Variants in SPOCK3 observed in about 807,000 individuals in gnomAD.
The protein encoded by SPOCK3 is SPARC (osteonectin), cwcv and kazal like domains proteoglycan 3.
In SPOCK3, 30 loss-of-function variants were observed where a neutral mutation model predicts 56.6. The observed-to-expected ratio is 0.53, with a 90% CI of 0.40 to 0.72. SPOCK3 has a LOEUF of 0.72. Among genes scored for constraint, SPOCK3 ranks in the 30% least tolerant of loss-of-function variants. The pLI, the probability that SPOCK3 is intolerant of heterozygous loss-of-function variation, is 0.00. For synonymous variants in SPOCK3, 196 were observed against 183.3 expected (o/e 1.07, Z -0.56); for missense variants, 527 against 530.0 (o/e 0.99, Z 0.06).
intron 4 of SPOCK3, among the ~76,000 whole-genome samples, chr4:166,927,447 C>T (rs1739240671): frequency 6.6e-6 from 1 of 152,182 alleles, no homozygotes; most frequent in African/African-American, 2.4e-5. Flanking sequence ...GATTGTGAGG[C>T]TTTCTCAACC....
At chr4:167,010,486 C>A (rs1394364426) in intron 3 of SPOCK3, among the ~76,000 whole-genome samples, 1 of 131,904 alleles carries the variant, frequency 7.6e-6, no homozygotes, top group African/African-American at 2.9e-5. Flanking sequence ...CGCCACTGCA[C>A]TACAGTCTGG....
intron 4 of SPOCK3, among the ~76,000 whole-genome samples, chr4:166,970,026 T>A (rs1745205874): frequency 6.6e-6 from 1 of 152,256 alleles, no homozygotes; most frequent in East Asian, 1.9e-4. Flanking sequence ...GTCTATCAAA[T>A]GCAAATATTT....
chr4:166,968,704 T>C (rs12019286), intron 4 of SPOCK3, among the ~76,000 whole-genome samples: 52,884 of 152,006 alleles, frequency 0.35, 10,968 homozygotes, highest in African/African-American at 0.59. Context: ...AGAGGCCTCA[T>C]GGAGAACCTC....
At chr4:167,132,523 T>C (rs1474822543) in intron 2 of SPOCK3, among the ~76,000 whole-genome samples, 1 of 152,226 alleles carries the variant, frequency 6.6e-6, no homozygotes, top group Admixed American at 6.5e-5. Context: ...TAAAAAGTCC[T>C]TAGCCTTTGA....
At chr4:166,751,864 A>G (rs1173410811) in intron 8 of SPOCK3, among the ~76,000 whole-genome samples, 1 of 152,170 alleles carries the variant, frequency 6.6e-6, no homozygotes, top group Non-Finnish European at 1.5e-5. Context: ...GATTACTTAG[A>G]ATAAAGAATT....
chr4:167,047,535 T>C (rs1753839081), intron 3 of SPOCK3, among the ~76,000 whole-genome samples: 1 of 152,188 alleles, frequency 6.6e-6, no homozygotes. Context: ...TGGGTTATGT[T>C]AGAATTATTG....
At chr4:166,818,251 G>T (rs893575132) in intron 6 of SPOCK3, among the ~76,000 whole-genome samples, 10 of 151,948 alleles carry the variant, frequency 6.6e-5, no homozygotes, top group African/African-American at 2.4e-4. Flanking sequence ...CATTGTGTGT[G>T]TGTGTGTGTA....
At chr4:166,916,857 G>A (rs564931804) in intron 4 of SPOCK3, among the ~76,000 whole-genome samples, 1 of 152,132 alleles carries the variant, frequency 6.6e-6, no homozygotes, top group Non-Finnish European at 1.5e-5. Context: ...ATATGAAGAT[G>A]CTTAGCAAAA....
At position 167,234,121 on chromosome 4, in the gene SPOCK3, T is replaced by C; in HGVS notation, c.53A>G (p.Gln18Arg). 1 of 1,613,802 alleles carries C rather than the reference T, an allele frequency of 6.2e-7. No homozygotes were observed. The highest frequency in any genetic ancestry group is 1.3e-5 in the African/African-American group (1 of 74,936). ...LCVCAAAWCS[Q>R]SLAAAAAVAA... ...CACCGCCGCGGCAGCTGCGAGAGAC[T>C]GACTGCACCAAGCGGCTGCACACAC... Residue 18 changes from glutamine (Q) to arginine (R), a missense_variant, in exon 2 of 11, where the codon CAG (glutamine) becomes CGG (arginine). Physicochemically the swap from Gln to Arg is conservative, Grantham distance 43. Transcript: ENST00000357545.
intron 6 of SPOCK3, among the ~76,000 whole-genome samples, chr4:166,861,181 G>A (rs1006119545): frequency 1.3e-5 from 2 of 151,924 alleles, no homozygotes; most frequent in African/African-American, 2.4e-5. Context: ...TAATTAGTTT[G>A]ATTTCAAGCC....
chr4:166,937,872 T>C (rs1206924760), intron 4 of SPOCK3, among the ~76,000 whole-genome samples: 1 of 149,802 alleles, frequency 6.7e-6, no homozygotes, highest in Non-Finnish European at 1.5e-5. Flanking sequence ...CACGCCATTC[T>C]CCTGCCTCAG....
intron 2 of SPOCK3, among the ~76,000 whole-genome samples, chr4:167,105,821 C>G (rs1328318536): frequency 2.0e-5 from 3 of 150,966 alleles, no homozygotes; most frequent in African/African-American, 7.3e-5. Flanking sequence ...CAATGGAAAC[C>G]AAAAAAAGAG....
intron 6 of SPOCK3, among the ~76,000 whole-genome samples, chr4:166,829,329 G>A (rs879440308): frequency 6.6e-6 from 1 of 152,040 alleles, no homozygotes; most frequent in African/African-American, 2.4e-5. Context: ...TAGCCAGGTG[G>A]CAGAAAATAT....
At chr4:167,116,419 A>ATATC (rs1379439660) in intron 2 of SPOCK3, among the ~76,000 whole-genome samples, 1 of 147,160 alleles carries the variant, frequency 6.8e-6, no homozygotes, top group Non-Finnish European at 1.5e-5. Context: ...AAAAGTATAT[A>ATATC]TATATACACT....
intron 7 of SPOCK3, among the ~76,000 whole-genome samples, chr4:166,767,434 A>C (rs1359483366): frequency 1.3e-5 from 2 of 151,976 alleles, no homozygotes; most frequent in African/African-American, 4.8e-5. Context: ...TTCTGCCTTC[A>C]TTTCATTATG....
chr4:166,777,816 T>C (rs541837910), intron 7 of SPOCK3, among the ~76,000 whole-genome samples: 1 of 152,184 alleles, frequency 6.6e-6, no homozygotes, highest in Non-Finnish European at 1.5e-5. Flanking sequence ...TACCATTTAC[T>C]GTGTGACTTT....
At chr4:166,971,883 TA>T (rs1340581128) in intron 4 of SPOCK3, among the ~76,000 whole-genome samples, 8 of 152,198 alleles carry the variant, frequency 5.3e-5, no homozygotes, top group African/African-American at 1.9e-4. Flanking sequence ...GCCAAAATAT[TA>T]AAGGCCAGTA....
At chr4:167,208,703 TTG>T (rs1734583673) in intron 2 of SPOCK3, among the ~76,000 whole-genome samples, 1 of 114,732 alleles carries the variant, frequency 8.7e-6, no homozygotes, top group East Asian at 3.0e-4. Flanking sequence ...ATTTAGATTT[TTG>T]TTTATACATG....
chr4:166,930,789 T>G (rs946209439), intron 4 of SPOCK3, among the ~76,000 whole-genome samples: 2 of 152,164 alleles, frequency 1.3e-5, no homozygotes, highest in African/African-American at 4.8e-5. Context: ...CCCAGAATAT[T>G]ACATTTTTAA....
Sources: gnomAD v4.1 joint callset for allele counts (sites outside exome capture counted in the v4.1 genomes callset) on GRCh38, gnomAD v4.1.1 for gene constraint, MANE v1.5 for transcripts, NCBI Gene and HGNC (gene_info 2026-07-23, HGNC 2026-07-21) for gene names.